PLS3: variants seen among roughly 807,000 people sequenced by gnomAD.
PLS3 encodes plastin 3.
A neutral mutation model predicts 46.5 loss-of-function variants in PLS3; 11 were observed. The ratio of observed to expected loss-of-function variants is 0.24; its 90% CI spans 0.15 to 0.39. The LOEUF (loss-of-function observed/expected upper bound fraction) is 0.39. Ranked by LOEUF, PLS3 falls within the 10% of genes least tolerant of loss-of-function variation. The pLI is 1.00. For missense variants in PLS3, 308 were observed against 461.8 expected, an observed-to-expected ratio of 0.67 and a Z score of 3.05; for synonymous variants, 167 against 162.2, an observed-to-expected ratio of 1.03 and a Z score of -0.22.
intron 1 of PLS3, among the ~76,000 whole-genome samples, chrX:115,561,959 G>A (rs1276996548): frequency 9.0e-6 from 1 of 110,575 alleles, no homozygotes; most frequent in Non-Finnish European, 1.9e-5. Flanking sequence ...AACATCTCTG[G>A]GCTAGTAGGA....
At chrX:115,620,490 G>T (rs932003712) in intron 2 of PLS3, among the ~76,000 whole-genome samples, 20 of 109,369 alleles carry the variant, frequency 1.8e-4, no homozygotes, top group African/African-American at 6.7e-4. Context: ...ATAACCCAGG[G>T]TTACTCAACT....
At chrX:115,643,230 G>T in intron 9 of PLS3, 83 bp from the exon 10 acceptor site, 1 of 582,202 alleles carries the variant, frequency 1.7e-6, no homozygotes, top group Non-Finnish European at 2.9e-6. Flanking sequence ...AAGTAGAACT[G>T]TATACCCAGA....
chrX:115,594,452 A>G (rs1334914046), intron 1 of PLS3, among the ~76,000 whole-genome samples: 2 of 112,067 alleles, frequency 1.8e-5, no homozygotes, highest in Non-Finnish European at 3.8e-5. Flanking sequence ...CAAGTGCTGT[A>G]TTTGCTAACA....
chrX:115,601,714 C>T (rs950906198), intron 1 of PLS3, among the ~76,000 whole-genome samples: 32 of 110,941 alleles, frequency 2.9e-4, no homozygotes, highest in African/African-American at 9.5e-4. Context: ...ACGGAAGAAT[C>T]TCAGATATTG....
chrX:115,575,742 CTCTA>C (rs1279020723), intron 1 of PLS3, among the ~76,000 whole-genome samples: 7 of 110,886 alleles, frequency 6.3e-5, no homozygotes, highest in East Asian at 5.6e-4. Flanking sequence ...CGCGCCTGGC[CTCTA>C]TCTAAGTTTA....
chrX:115,641,077 C>T (rs782314833), intron 9 of PLS3, among the ~76,000 whole-genome samples: 109 of 110,718 alleles, frequency 9.8e-4, no homozygotes, highest in Non-Finnish European at 1.8e-3. Context: ...TTAGAGTGAA[C>T]TATTTAGTCC....
chrX:115,622,188 T>C (rs1481790054), intron 2 of PLS3, 58 bp from the exon 3 acceptor site: 1 of 967,293 alleles, frequency 1.0e-6, no homozygotes, highest in Non-Finnish European at 1.5e-6. Context: ...AGGGAAATAC[T>C]CTAACTTCTG....
At chrX:115,596,426 G>T (rs782365546) in intron 1 of PLS3, among the ~76,000 whole-genome samples, 24 of 111,820 alleles carry the variant, frequency 2.1e-4, no homozygotes, top group African/African-American at 7.1e-4. Context: ...TCACAGGCTC[G>T]TGGAGGAGAT....
intron 1 of PLS3, among the ~76,000 whole-genome samples, chrX:115,597,322 C>T (rs2074399407): frequency 9.0e-6 from 1 of 111,003 alleles, no homozygotes; most frequent in South Asian, 3.9e-4. Context: ...CTTAATAAAC[C>T]TTTATATCTT....
chrX:115,642,870 T>A (rs185181675), intron 9 of PLS3, among the ~76,000 whole-genome samples: 75 of 111,566 alleles, frequency 6.7e-4, no homozygotes, highest in African/African-American at 2.1e-3. Context: ...TGAAAAAAAA[T>A]TTTAACATAA....
intron 8 of PLS3, among the ~76,000 whole-genome samples, chrX:115,637,854 A>G (rs1414209159): frequency 8.9e-6 from 1 of 112,109 alleles, no homozygotes; most frequent in Admixed American, 9.5e-5. Context: ...TACTGATTTC[A>G]TCCATGAAAA....
intron 5 of PLS3, among the ~76,000 whole-genome samples, chrX:115,633,177 GTT>G (rs34002114): frequency 9.8e-5 from 10 of 102,384 alleles, no homozygotes; most frequent in Non-Finnish European, 1.0e-4. Context: ...GTCTTTTTGG[GTT>G]TTTTTTTTTT....
intron 2 of PLS3, among the ~76,000 whole-genome samples, chrX:115,616,943 A>C (rs1258103655): frequency 8.9e-6 from 1 of 112,025 alleles, no homozygotes; most frequent in Admixed American, 9.5e-5. Context: ...AAACTATGGG[A>C]AAATGGCAGA....
At chrX:115,617,616 A>G (rs893985076) in intron 2 of PLS3, among the ~76,000 whole-genome samples, 1 of 112,142 alleles carries the variant, frequency 8.9e-6, no homozygotes, top group Non-Finnish European at 1.9e-5. Flanking sequence ...AGATACAAAG[A>G]TTTAAAAGAA....
chrX:115,646,273 C>A (rs992738194), intron 12 of PLS3, 87 bp downstream of exon 12: 1 of 888,583 alleles, frequency 1.1e-6, no homozygotes. Context: ...TGACGCTGAG[C>A]TTCTTGAGGA....
At chrX:115,590,886 C>T (rs994000006) in intron 1 of PLS3, among the ~76,000 whole-genome samples, 5 of 111,444 alleles carry the variant, frequency 4.5e-5, no homozygotes, top group African/African-American at 1.6e-4. Context: ...GCCTTGTAAT[C>T]CCAGCACTTT....
At chrX:115,635,983 T>G (rs1277470544) in intron 7 of PLS3, among the ~76,000 whole-genome samples, 3 of 110,024 alleles carry the variant, frequency 2.7e-5, no homozygotes, top group African/African-American at 9.9e-5. Context: ...ATCACGCCAC[T>G]GCACTCCAGC....
chrX:115,634,630 G>T (rs1203334245), intron 6 of PLS3, among the ~76,000 whole-genome samples: 1 of 111,723 alleles, frequency 9.0e-6, no homozygotes, highest in Non-Finnish European at 1.9e-5. Flanking sequence ...ACTTCAAAAG[G>T]TACCAAATAA....
intron 2 of PLS3, among the ~76,000 whole-genome samples, chrX:115,621,605 C>G (rs1231662968): frequency 9.0e-6 from 1 of 110,947 alleles, no homozygotes; most frequent in Non-Finnish European, 1.9e-5. Context: ...ATTTAATCAG[C>G]ACTTCAAGAC....
Sources: gnomAD v4.1 joint callset for allele counts (sites outside exome capture counted in the v4.1 genomes callset) on GRCh38, gnomAD v4.1.1 for gene constraint, MANE v1.5 for transcripts, NCBI Gene and HGNC (gene_info 2026-07-23, HGNC 2026-07-21) for gene names.